KCTD1: variants seen among roughly 807,000 people sequenced by gnomAD.
The protein encoded by KCTD1 is potassium channel tetramerization domain containing 1.
KCTD1 carries 24 observed loss-of-function variants against 66.0 expected under a neutral mutation model. That is an observed-to-expected ratio of 0.36 (90% CI 0.26 to 0.51). KCTD1 has a LOEUF of 0.51. KCTD1 is among the 20% of genes least tolerant of loss of function. The pLI, the probability that KCTD1 is intolerant of heterozygous loss-of-function variation, is 0.95. For missense variants in KCTD1, 943 were observed against 1,205.2 expected (o/e 0.78, Z 3.22); for synonymous variants, 511 against 517.2 (o/e 0.99, Z 0.16).
intron 1 of KCTD1, among the ~76,000 whole-genome samples, chr18:26,620,432 ATTTTTTT>A (rs76367093): frequency 5.0e-4 from 37 of 74,392 alleles, no homozygotes; most frequent in Non-Finnish European, 9.5e-5. Context: ...TCAAAATTGC[ATTTTTTT>A]TTTTTTTTTT....
intron 2 of KCTD1, among the ~76,000 whole-genome samples, chr18:26,486,416 G>A (rs911892622): frequency 2.0e-5 from 3 of 152,154 alleles, no homozygotes; most frequent in Admixed American, 1.3e-4. Flanking sequence ...TCCTGCTCTG[G>A]CACCTCCTGC....
intron 1 of KCTD1, among the ~76,000 whole-genome samples, chr18:26,648,206 A>T (rs943324768): frequency 6.6e-6 from 1 of 152,302 alleles, no homozygotes; most frequent in Non-Finnish European, 1.5e-5. Flanking sequence ...TTAGGAGGAG[A>T]AAGCAGCGCT....
chr18:26,526,188 C>T (rs1295272629), intron 1 of KCTD1, among the ~76,000 whole-genome samples: 1 of 152,012 alleles, frequency 6.6e-6, no homozygotes, highest in East Asian at 1.9e-4. Flanking sequence ...AGAAAAGAGA[C>T]CAGTGAAGAA....
In KCTD1 at chr18:26,629,224, G is replaced by A. The variant is rs183401733; in HGVS notation, c.-93C>T. On this transcript the variant is annotated 5_prime_UTR_variant, in exon 1 of 5. Transcript: ENST00000317932. ...TGCAGTGCAGGCTTGAGGAGAAAAA[G>A]CTAGTGACGGGAGCTGTAAAAGGAG... The A allele has an allele frequency of 2.0e-4, 199 of 985,382 alleles. No homozygotes were observed. The Middle Eastern group carries it at 2.1e-3, about 10-fold the overall frequency. 61.0% of individuals were successfully genotyped at this position (985,382 alleles called of 1,614,324 possible). A position where few individuals can be genotyped will look rare whatever the true frequency, so the allele number is the denominator to read the frequency against.
chr18:26,600,406 G>A (rs956659708), intron 1 of KCTD1: 15 of 832,574 alleles, frequency 1.8e-5, no homozygotes, highest in African/African-American at 5.0e-5. Flanking sequence ...ATCCCACCAC[G>A]GTGTCTCCTC....
rs185572768 is a variant in KCTD1, at chr18:26,591,899, T to C, written c.-16+37248A>G. On this transcript the variant is annotated intron_variant, in intron 1 of 4. Coordinates refer to the KCTD1 transcript ENST00000317932. ...GGAAGCATTTTTAAAAAATCAGTTT[T>C]TGTGTAAAATTAGTCCCTGTAAGAG... 3.6e-3 allele frequency among the ~76,000 whole-genome samples: 544 copies of C among 152,324 alleles called. 3 individuals are homozygous for C. Among genetic ancestry groups the C allele is most frequent in the African/African-American group, 0.012 (506 of 41,576 alleles).
intron 1 of KCTD1, chr18:26,600,136 G>T: frequency 6.2e-7 from 1 of 1,609,196 alleles, no homozygotes; most frequent in Non-Finnish European, 8.5e-7. Context: ...AAAGAGGAAG[G>T]CCTGTAAGAA....
intron 1 of KCTD1, among the ~76,000 whole-genome samples, chr18:26,600,907 G>A (rs1322512339): frequency 1.3e-5 from 2 of 152,018 alleles, no homozygotes; most frequent in African/African-American, 4.8e-5. Context: ...CATTGCATCT[G>A]TGTCCTGTTG....
At chr18:26,499,718 A>G (rs1982656712) in intron 2 of KCTD1, among the ~76,000 whole-genome samples, 1 of 152,218 alleles carries the variant, frequency 6.6e-6, no homozygotes, top group South Asian at 2.1e-4. Flanking sequence ...ACTGTAAGCT[A>G]TCTGTTATCT....
chr18:26,601,326 T>TTAAAAAAAAAA (rs1555646203), intron 1 of KCTD1, among the ~76,000 whole-genome samples: 3 of 93,264 alleles, frequency 3.2e-5, no homozygotes, highest in South Asian at 4.6e-4. Flanking sequence ...TGTTCATTGG[T>TTAAAAAAAAAA]AAAAAAAAAA....
chr18:26,656,672 G>C (rs956230547), intron 1 of KCTD1, among the ~76,000 whole-genome samples: 1 of 151,362 alleles, frequency 6.6e-6, no homozygotes, highest in Non-Finnish European at 1.5e-5. Flanking sequence ...GTCTTTCACG[G>C]GGCGTCCGGG....
intron 1 of KCTD1, chr18:26,581,143 A>T (rs1488256169): frequency 6.6e-6 from 1 of 152,250 alleles, no homozygotes; most frequent in Non-Finnish European, 1.5e-5. Flanking sequence ...TGTCTATGAT[A>T]TGTTAAGTAA....
At chr18:26,490,846 G>A (rs1164174213) in intron 2 of KCTD1, among the ~76,000 whole-genome samples, 4 of 150,328 alleles carry the variant, frequency 2.7e-5, no homozygotes, top group Admixed American at 1.3e-4. Context: ...TCCGCCTCCC[G>A]GGCTCAAGCG....
At chr18:26,462,505 A>C (rs1035736633) in intron 3 of KCTD1, among the ~76,000 whole-genome samples, 1 of 152,162 alleles carries the variant, frequency 6.6e-6, no homozygotes, top group African/African-American at 2.4e-5. Context: ...CTGAGCACTC[A>C]TGCTTCTCTC....
chr18:26,514,481 T>C (rs1012066428), intron 1 of KCTD1, among the ~76,000 whole-genome samples: 1 of 150,100 alleles, frequency 6.7e-6, no homozygotes, highest in African/African-American at 2.5e-5. Context: ...GCCCAGGAGT[T>C]TGAGGCTGCA....
intron 1 of KCTD1, among the ~76,000 whole-genome samples, chr18:26,605,894 T>G (rs922473721): frequency 2.0e-5 from 3 of 152,172 alleles, no homozygotes; most frequent in Admixed American, 6.5e-5. Context: ...AAGCTTATTT[T>G]GCTGAGGTTA....
chr18:26,606,948 C>G (rs531670783), intron 1 of KCTD1, among the ~76,000 whole-genome samples: 3 of 152,236 alleles, frequency 2.0e-5, no homozygotes, highest in East Asian at 3.9e-4. Flanking sequence ...AACTCCTAAA[C>G]TTATCTTTCT....
chr18:26,655,362 T>C (rs1429931554), intron 1 of KCTD1, among the ~76,000 whole-genome samples: 1 of 152,102 alleles, frequency 6.6e-6, no homozygotes, highest in Admixed American at 6.5e-5. Flanking sequence ...GCCAGCTTAG[T>C]TGATTGAAAA....
chr18:26,647,336 C>CCCCCCCCCCCCCCCT (rs141104266), intron 1 of KCTD1, among the ~76,000 whole-genome samples: 1 of 146,700 alleles, frequency 6.8e-6, no homozygotes, highest in Admixed American at 6.8e-5. Flanking sequence ...GTGAAACCCC[C>CCCCCCCCCCCCCCCT]CCCCCATCTC....
Sources: gnomAD v4.1 joint callset for allele counts (sites outside exome capture counted in the v4.1 genomes callset) on GRCh38, gnomAD v4.1.1 for gene constraint, MANE v1.5 for transcripts, NCBI Gene and HGNC (gene_info 2026-07-23, HGNC 2026-07-21) for gene names.